The following IL21R variants were observed in gnomAD, a reference collection of about 807,000 sequenced individuals.
IL21R encodes interleukin-21 receptor.
A neutral mutation model predicts 41.3 loss-of-function variants in IL21R; 14 were observed. The observed-to-expected ratio is 0.34, with a 90% CI of 0.22 to 0.53. The LOEUF (loss-of-function observed/expected upper bound fraction) is 0.53, where lower values mean the gene tolerates loss of function less well. Ranked by LOEUF, IL21R falls within the 20% of genes least tolerant of loss-of-function variation. The probability of loss-of-function intolerance (pLI) is 0.94; values close to 1 mark genes in which losing one functional copy is unlikely to be tolerated. For missense variants in IL21R, 588 were observed against 681.6 expected (o/e 0.86, Z 1.53); for synonymous variants, 286 against 287.6 (o/e 0.99, Z 0.05).
Position 27,414,938 on chromosome 16 carries a change from G to A in IL21R, c.-17+12320G>A, listed in dbSNP as rs140426149. On this transcript the variant is annotated intron_variant, in intron 1 of 8. Coordinates refer to ENST00000337929, the MANE Select transcript of IL21R (RefSeq NM_181078.3). ...TTTGAGGCACTAAGAAGGATAAGGC[G>A]TCTGTTTGCAAAAAAGCCCCTATCA... is the stretch of plus-strand genomic sequence containing the variant. Among the ~76,000 whole-genome samples, 117 of 152,204 alleles carry A rather than the reference G, an allele frequency of 7.7e-4. 1 individual carries two copies. The highest frequency in any genetic ancestry group is 1.4e-3 in the Non-Finnish European group (94 of 68,004).
intron 1 of IL21R, among the ~76,000 whole-genome samples, chr16:27,404,664 C>T (rs1266064238): frequency 3.3e-5 from 5 of 152,130 alleles, no homozygotes; most frequent in African/African-American, 4.8e-5. Context: ...GGGGTGCCTG[C>T]GGTTAGATGG....
At chr16:27,419,295 C>T (rs2141271104) in intron 1 of IL21R, among the ~76,000 whole-genome samples, 1 of 152,352 alleles carries the variant, frequency 6.6e-6, no homozygotes, top group South Asian at 2.1e-4. Context: ...ATATGACTGT[C>T]TTCCACCTCC....
At chr16:27,446,138 A>C in intron 8 of IL21R, 50 bp downstream of exon 8, 1 of 1,506,104 alleles carries the variant, frequency 6.6e-7, no homozygotes, top group South Asian at 1.1e-5. Context: ...CCTCCTCTTC[A>C]GGAGCCCCAC....
intron 8 of IL21R, chr16:27,448,272 T>C: frequency 2.3e-6 from 1 of 430,856 alleles, no homozygotes. Context: ...CTGGCCAACA[T>C]GGTGAAACCA....
At position 27,449,210 on chromosome 16, in the gene IL21R, C is replaced by A. The variant is rs546105423; in HGVS notation, c.1544C>A (p.Pro515His). Reference sequence around the variant, plus strand: ...TTCACCAGCCCCGGGGACGAAGGACCCCCCCGGAGCTACCTCCGCCAGTGG... The same window carrying A: ...TTCACCAGCCCCGGGGACGAAGGACACCCCCGGAGCTACCTCCGCCAGTGG... Reference protein sequence around the residue: ...CDFTSPGDEGPPRSYLRQWVV... With the variant: ...CDFTSPGDEGHPRSYLRQWVV... The change falls in exon 9 of 9, where the codon CCC (proline) becomes CAC (histidine). Residue 515 changes from proline (P) to histidine (H), a missense_variant. Physicochemically the swap from Pro to His is moderately conservative, Grantham distance 77. Transcript: ENST00000337929. The A allele has an allele frequency of 6.8e-6, 11 of 1,612,826 alleles. No individual in the cohort carries two copies. Among genetic ancestry groups the A allele is most frequent in the Admixed American group, 1.7e-5 (1 of 59,992 alleles).
intron 1 of IL21R, among the ~76,000 whole-genome samples, chr16:27,411,041 C>T (rs754169251): frequency 6.6e-6 from 1 of 152,144 alleles, no homozygotes; most frequent in African/African-American, 2.4e-5. Flanking sequence ...TATGTATGTA[C>T]TACATTTTCT....
At chr16:27,418,014 TATTTTATTTTATTTTA>T (rs2086918031) in intron 1 of IL21R, among the ~76,000 whole-genome samples, 2 of 27,830 alleles carry the variant, frequency 7.2e-5, no homozygotes, top group African/African-American at 1.2e-4. Context: ...CTATTTTATT[TATTTTATTTTATTTTA>T]TTTTATTTTA....
chr16:27,412,706 T>A (rs943293563), intron 1 of IL21R, among the ~76,000 whole-genome samples: 14 of 152,132 alleles, frequency 9.2e-5, no homozygotes, highest in Admixed American at 3.3e-4. Context: ...TGGCTAAGTT[T>A]ATTCCTAAGT....
intron 2 of IL21R, among the ~76,000 whole-genome samples, chr16:27,432,238 T>C (rs531653886): frequency 1.3e-5 from 2 of 152,342 alleles, no homozygotes; most frequent in South Asian, 4.1e-4. Context: ...GCGGGCAGCA[T>C]GCAGGCACAG....
At chr16:27,435,654 A>G (rs1034760566) in intron 3 of IL21R, among the ~76,000 whole-genome samples, 1 of 151,868 alleles carries the variant, frequency 6.6e-6, no homozygotes, top group Non-Finnish European at 1.5e-5. Context: ...GGGTTTTGCC[A>G]TGTTACCCAG....
intron 4 of IL21R, among the ~76,000 whole-genome samples, chr16:27,439,092 G>A (rs1447645092): frequency 2.0e-5 from 3 of 152,152 alleles, no homozygotes; most frequent in Non-Finnish European, 4.4e-5. Flanking sequence ...AGAGGTGTCT[G>A]TGATTCACAC....
chr16:27,424,604 C>T (rs2087046641), intron 1 of IL21R, among the ~76,000 whole-genome samples: 1 of 152,116 alleles, frequency 6.6e-6, no homozygotes, highest in Non-Finnish European at 1.5e-5. Flanking sequence ...AGATTGATGA[C>T]CTCCATTTTA....
In IL21R at chr16:27,448,570, G is replaced by A; in HGVS notation, c.904G>A (p.Glu302Lys). Residue 302 changes from glutamate (E) to lysine (K), a missense_variant, in exon 9 of 9, where the codon GAG (glutamate) becomes AAG (lysine). Physicochemically the swap from Glu to Lys is moderately conservative, Grantham distance 56. Coordinates refer to ENST00000337929, the MANE Select transcript of IL21R (RefSeq NM_181078.3). The stretch of plus-strand genomic sequence containing the variant: ...TGCACCCTTCACTGGCTCCAGCCTG[G>A]AGCTGGGACCCTGGAGCCCAGAGGT... ...VGAPFTGSSL[E>K]LGPWSPEVPS... 6.2e-7 allele frequency: 1 copy of A among 1,611,216 alleles called. No individual in the cohort carries two copies. Among genetic ancestry groups the A allele is most frequent in the Non-Finnish European group, 8.5e-7 (1 of 1,179,210 alleles).
rs1465546914 is a variant in IL21R, at chr16:27,450,712, A to G, written c.*1429A>G. ...CGATTTCCTGCGTCAGCCCCAGAGT[A>G]GCTGGAATTACAGGCACACACCACC... On this transcript the variant is annotated 3_prime_UTR_variant, in exon 9 of 9. Coordinates refer to ENST00000337929, the MANE Select transcript of IL21R (RefSeq NM_181078.3). 3 of 222,052 alleles carry G rather than the reference A, an allele frequency of 1.4e-5. No individual in the cohort carries two copies. The highest frequency in any genetic ancestry group is 5.8e-5 in the Admixed American group (1 of 17,316). The allele number at this position is 222,052 out of a possible 1,614,324, so 13.8% of individuals were successfully genotyped here.
chr16:27,446,428 CCCCATCTCTA>C (rs2087480150), intron 8 of IL21R, among the ~76,000 whole-genome samples: 1 of 152,022 alleles, frequency 6.6e-6, no homozygotes, highest in African/African-American at 2.4e-5. Flanking sequence ...CACTCCGCCT[CCCCATCTCTA>C]CCAAAAACTT....
chr16:27,439,413 ACT>A (rs1425986386), intron 4 of IL21R, among the ~76,000 whole-genome samples: 1 of 150,890 alleles, frequency 6.6e-6, no homozygotes, highest in Admixed American at 6.6e-5. Context: ...TCACACATAT[ACT>A]CTCACATCAC....
At chr16:27,441,046 C>CAAAAAAA (rs35321284) in intron 4 of IL21R, among the ~76,000 whole-genome samples, 11 of 68,228 alleles carry the variant, frequency 1.6e-4, no homozygotes, top group Non-Finnish European at 2.5e-4. Flanking sequence ...GATTCTGTCT[C>CAAAAAAA]AAAAAAAAAA....
In IL21R at chr16:27,449,539, T is replaced by C. The variant is rs1202386279; in HGVS notation, c.*256T>C. ...ATTGCACGTGCCTGTGGGCCTGGGA[T>C]AATGCCCATGGTACTCCATGCATTC... is the stretch of plus-strand genomic sequence containing the variant. On this transcript the variant is annotated 3_prime_UTR_variant, in exon 9 of 9. Transcript: ENST00000337929. 3.6e-6 allele frequency: 2 copies of C among 548,082 alleles called. No individual in the cohort carries two copies. The highest frequency in any genetic ancestry group is 6.5e-6 in the Non-Finnish European group (2 of 309,536). The allele number at this position is 548,082 out of a possible 1,614,324, so 34.0% of individuals were successfully genotyped here. A position where few individuals can be genotyped will look rare whatever the true frequency, so the allele number is the denominator to read the frequency against.
In IL21R at chr16:27,432,229, C is replaced by T. The variant is rs116723695; in HGVS notation, c.49+2109C>T. The stretch of plus-strand genomic sequence containing the variant: ...CTATCTGTGGAGTGATAGCCATGTG[C>T]GGGCAGCATGCAGGCACAGGCATGA... On this transcript the variant is annotated intron_variant, in intron 2 of 8. Transcript: ENST00000337929. Among the ~76,000 whole-genome samples, 760 of 152,338 alleles carry T rather than the reference C, an allele frequency of 5.0e-3. 8 individuals are homozygous for T. The highest frequency in any genetic ancestry group is 0.018 in the African/African-American group (730 of 41,576).
Sources: gnomAD v4.1 joint callset for allele counts (sites outside exome capture counted in the v4.1 genomes callset) on GRCh38, gnomAD v4.1.1 for gene constraint, MANE v1.5 for transcripts, NCBI Gene and HGNC (gene_info 2026-07-23, HGNC 2026-07-21) for gene names.